SFXN5: variants seen among roughly 807,000 people sequenced by gnomAD.
SFXN5 encodes sideroflexin 5, also known as sideroflexin-5.
In SFXN5, 43 loss-of-function variants were observed where a neutral mutation model predicts 50.2. That is an observed-to-expected ratio of 0.86 (90% CI 0.67 to 1.11). The LOEUF (loss-of-function observed/expected upper bound fraction) is 1.11, where lower values mean the gene tolerates loss of function less well. Ranked by LOEUF, SFXN5 falls within the 50% of genes least tolerant of loss-of-function variation. The pLI, the probability that SFXN5 is intolerant of heterozygous loss-of-function variation, is 0.00. For missense variants in SFXN5, 463 were observed against 454.1 expected, an observed-to-expected ratio of 1.02 and a Z score of -0.18; for synonymous variants, 203 against 185.8, an observed-to-expected ratio of 1.09 and a Z score of -0.75.
chr2:73,022,085 T>G (rs555123035), intron 5 of SFXN5, among the ~76,000 whole-genome samples: 2 of 152,242 alleles, frequency 1.3e-5, no homozygotes, highest in South Asian at 4.2e-4. Context: ...GAACAGAGAA[T>G]TAGGCTGGAG....
intron 10 of SFXN5, 128 bp from the exon 11 acceptor site, chr2:72,971,813 G>A: frequency 1.5e-6 from 1 of 672,248 alleles, no homozygotes; most frequent in Non-Finnish European, 2.6e-6. Flanking sequence ...CAAAGGTTAG[G>A]GAAGGGGTGG....
At chr2:73,026,449 T>C (rs1404310147) in intron 3 of SFXN5, among the ~76,000 whole-genome samples, 1 of 152,038 alleles carries the variant, frequency 6.6e-6, no homozygotes, top group African/African-American at 2.4e-5. Flanking sequence ...AATACAGGCA[T>C]TGCCACCTAA....
intron 6 of SFXN5, among the ~76,000 whole-genome samples, chr2:73,011,510 C>A (rs1199601725): frequency 1.3e-5 from 2 of 152,066 alleles, no homozygotes; most frequent in Non-Finnish European, 2.9e-5. Flanking sequence ...AAGAGACGTG[C>A]CATATATATA....
At chr2:73,048,436 A>C (rs1680797881) in intron 2 of SFXN5, among the ~76,000 whole-genome samples, 1 of 152,146 alleles carries the variant, frequency 6.6e-6, no homozygotes, top group South Asian at 2.1e-4. Flanking sequence ...AGCTGATCTC[A>C]AACTCCTGAC....
At chr2:72,984,018 G>T (rs1163038906) in intron 10 of SFXN5, among the ~76,000 whole-genome samples, 1 of 152,184 alleles carries the variant, frequency 6.6e-6, no homozygotes, top group African/African-American at 2.4e-5. Context: ...CGGAGGGCCC[G>T]CTCCGAGCTT....
chr2:73,004,156 C>CT (rs1290852948), intron 6 of SFXN5, among the ~76,000 whole-genome samples: 1 of 152,062 alleles, frequency 6.6e-6, no homozygotes, highest in East Asian at 1.9e-4. Flanking sequence ...GGCCCGGACT[C>CT]TGATTTTAGG....
intron 3 of SFXN5, among the ~76,000 whole-genome samples, chr2:73,026,851 C>G (rs182074310): frequency 0.026 from 3,950 of 152,242 alleles, 63 homozygotes; most frequent in Non-Finnish European, 0.037. Flanking sequence ...GCCTCAGCCT[C>G]CCGAGTAGCT....
At chr2:72,968,255 C>G (rs1284494030) in intron 12 of SFXN5, among the ~76,000 whole-genome samples, 193 bp downstream of exon 12, 1 of 151,948 alleles carries the variant, frequency 6.6e-6, no homozygotes, top group Non-Finnish European at 1.5e-5. Flanking sequence ...AGTAAAAGTC[C>G]AAGAATTCTC....
chr2:73,062,848 T>C (rs1270897129), intron 1 of SFXN5, among the ~76,000 whole-genome samples: 1 of 152,146 alleles, frequency 6.6e-6, no homozygotes, highest in Admixed American at 6.5e-5. Context: ...AAGGGATGGA[T>C]GAGTTTACCT....
chr2:73,071,427 C>A (rs1683606062), intron 1 of SFXN5, 177 bp downstream of exon 1: 1 of 600,912 alleles, frequency 1.7e-6, no homozygotes, highest in African/African-American at 1.9e-5. Context: ...GAGTCCGCGC[C>A]CGCCCCGTTG....
intron 6 of SFXN5, among the ~76,000 whole-genome samples, chr2:73,003,760 T>A (rs1674236413): frequency 6.6e-6 from 1 of 152,324 alleles, no homozygotes; most frequent in African/African-American, 2.4e-5. Context: ...TGACATCAAG[T>A]CTTTTCCAGA....
chr2:73,067,915 T>G (rs1325635132), intron 1 of SFXN5, among the ~76,000 whole-genome samples: 3 of 152,212 alleles, frequency 2.0e-5, no homozygotes, highest in East Asian at 3.8e-4. Flanking sequence ...ACCCATAAAT[T>G]GGAGATCATT....
intron 4 of SFXN5, 89 bp downstream of exon 4, chr2:73,023,099 A>G: frequency 7.5e-7 from 1 of 1,341,896 alleles, no homozygotes; most frequent in Non-Finnish European, 1.0e-6. Context: ...GAGCCACCGG[A>G]GGGGGGCTTC....
intron 12 of SFXN5, among the ~76,000 whole-genome samples, chr2:72,966,787 T>C (rs1674467385): frequency 6.6e-6 from 1 of 152,202 alleles, no homozygotes; most frequent in East Asian, 1.9e-4. Flanking sequence ...TACCAGCCCT[T>C]CTTGCTGCCA....
chr2:73,028,847 T>A (rs973048800), intron 3 of SFXN5, among the ~76,000 whole-genome samples: 57 of 152,030 alleles, frequency 3.7e-4, no homozygotes, highest in Non-Finnish European at 5.9e-4. Context: ...CAGAAAGACA[T>A]GAAAGAGGAA....
chr2:73,005,962 C>T (rs1674582824), intron 6 of SFXN5, among the ~76,000 whole-genome samples: 1 of 152,094 alleles, frequency 6.6e-6, no homozygotes, highest in Non-Finnish European at 1.5e-5. Flanking sequence ...GATTATTTCC[C>T]ACTCCCTGCA....
intron 3 of SFXN5, among the ~76,000 whole-genome samples, chr2:73,031,800 CCT>C (rs1191196670): frequency 6.6e-6 from 1 of 152,286 alleles, no homozygotes; most frequent in East Asian, 1.9e-4. Flanking sequence ...GGACTTTGGC[CCT>C]CTCTCAGTCA....
chr2:73,071,710 A>C lies in SFXN5; in HGVS notation c.-5T>G. 1.2e-6 allele frequency: 2 copies of C among 1,611,438 alleles called. No homozygotes were observed. The highest frequency in any genetic ancestry group is 1.7e-6 in the Non-Finnish European group (2 of 1,179,416). ...TGTAGTCGCTGTATCCGCCATGGCC[A>C]CTGACGCCCGCAATCTCCGGCCCTT... On this transcript the variant is annotated 5_prime_UTR_variant, in exon 1 of 14. Transcript: ENST00000272433.
At chr2:73,024,047 A>G (rs1677245555) in intron 3 of SFXN5, among the ~76,000 whole-genome samples, 1 of 152,168 alleles carries the variant, frequency 6.6e-6, no homozygotes, top group African/African-American at 2.4e-5. Context: ...CATCAATTAA[A>G]AGACTCATTT....
Sources: allele counts gnomAD v4.1 joint callset (sites outside exome capture counted in the v4.1 genomes callset), GRCh38; gene constraint gnomAD v4.1.1; transcripts MANE v1.5; gene names NCBI Gene and HGNC (gene_info 2026-07-23, HGNC 2026-07-21).